AFF3: variants seen among roughly 807,000 people sequenced by gnomAD.
The protein encoded by AFF3 is AF4/FMR2 family member 3.
Under a neutral mutation model 129.7 loss-of-function variants are expected in AFF3, and 32 were observed. The ratio of observed to expected loss-of-function variants is 0.25; its 90% CI spans 0.19 to 0.33. The LOEUF is 0.33. Among genes scored for constraint, AFF3 ranks in the 10% least tolerant of loss-of-function variants. AFF3 has a pLI of 1.00. For missense variants in AFF3, 1,373 were observed against 1,592.0 expected, an observed-to-expected ratio of 0.86 and a Z score of 2.34; for synonymous variants, 644 against 635.4, an observed-to-expected ratio of 1.01 and a Z score of -0.20.
chr2:99,580,274 T>G (rs1416152104), intron 17 of AFF3, among the ~76,000 whole-genome samples: 1 of 152,204 alleles, frequency 6.6e-6, no homozygotes, highest in Non-Finnish European at 1.5e-5. Flanking sequence ...GAGTCAAATC[T>G]GGCCCTTTTT....
At chr2:99,639,334 T>C (rs961125552) in intron 13 of AFF3, among the ~76,000 whole-genome samples, 2 of 152,198 alleles carry the variant, frequency 1.3e-5, no homozygotes, top group South Asian at 2.1e-4. Context: ...TTCACGTTAA[T>C]GCAGTGGATT....
rs1398330526 is a variant in AFF3, at chr2:100,006,895, C to T, written c.610G>A (p.Ala204Thr). ...QTQERPPAMA[A>T]KHSSSGHCVQ... Reference sequence around the variant, plus strand: ...CAGTGTCCGCTGCTGCTGTGCTTGGCCGCCATGGCAGGTGGCCTCTCCTGG... The same window carrying T: ...CAGTGTCCGCTGCTGCTGTGCTTGGTCGCCATGGCAGGTGGCCTCTCCTGG... Residue 204 changes from alanine to threonine, a missense_variant, in exon 7 of 25, where the codon GCC becomes ACC. Transcript: ENST00000672756. The T allele has an allele frequency of 1.2e-6, 2 of 1,614,022 alleles. No homozygotes were observed. The highest frequency in any genetic ancestry group is 1.7e-5 in the Admixed American group (1 of 60,004).
intron 8 of AFF3, among the ~76,000 whole-genome samples, chr2:99,822,870 C>A (rs544705869): frequency 2.0e-5 from 3 of 152,174 alleles, no homozygotes; most frequent in East Asian, 1.9e-4. Context: ...GGGCTCCTGG[C>A]GACTTCAGCA....
intron 12 of AFF3, among the ~76,000 whole-genome samples, chr2:99,649,917 G>T (rs1440110041): frequency 6.6e-6 from 1 of 152,190 alleles, no homozygotes; most frequent in Non-Finnish European, 1.5e-5. Flanking sequence ...TTTGTCGGGG[G>T]GGCAAAGGAC....
At chr2:99,954,701 T>C (rs1474423974) in intron 7 of AFF3, among the ~76,000 whole-genome samples, 6 of 132,724 alleles carry the variant, frequency 4.5e-5, no homozygotes, top group East Asian at 2.2e-4. Flanking sequence ...CACTCATAGG[T>C]GGGAACTGAA....
chr2:99,627,248 G>T (rs948524752), intron 13 of AFF3, among the ~76,000 whole-genome samples: 11 of 150,112 alleles, frequency 7.3e-5, no homozygotes, highest in Admixed American at 2.7e-4. Context: ...GTTTTTTTTT[G>T]ACTTTTAAAT....
At chr2:99,554,768 T>C (rs761548806) in intron 22 of AFF3, 36 bp from the exon 23 acceptor site, 10 of 1,612,952 alleles carry the variant, frequency 6.2e-6, no homozygotes, top group African/African-American at 2.7e-5. Flanking sequence ...GTGAGTGCCA[T>C]CTGCGTGAGG....
chr2:99,849,730 C>A (rs1168107860), intron 7 of AFF3, among the ~76,000 whole-genome samples: 1 of 152,130 alleles, frequency 6.6e-6, no homozygotes, highest in Admixed American at 6.5e-5. Context: ...TTCACAAGAA[C>A]CAGATGATGT....
intron 2 of AFF3, among the ~76,000 whole-genome samples, chr2:100,126,982 A>G (rs1692219141): frequency 6.6e-6 from 1 of 152,224 alleles, no homozygotes; most frequent in Non-Finnish European, 1.5e-5. Context: ...ATTTGCTTCA[A>G]TGAGCTGTTG....
chr2:99,824,469 G>C (rs1687923792), intron 8 of AFF3, among the ~76,000 whole-genome samples: 1 of 152,026 alleles, frequency 6.6e-6, no homozygotes, highest in South Asian at 2.1e-4. Flanking sequence ...ATTGTTTGAA[G>C]TCACAATAAA....
chr2:99,863,652 A>G (rs763363770), intron 7 of AFF3, among the ~76,000 whole-genome samples: 20 of 152,218 alleles, frequency 1.3e-4, no homozygotes, highest in Non-Finnish European at 2.2e-4. Flanking sequence ...AATGGAGACT[A>G]ATTTACCCAC....
chr2:99,649,427 C>CTTGCTATGAAATACAACAAGGCGATTT (rs1211116020), intron 13 of AFF3, among the ~76,000 whole-genome samples, 199 bp downstream of exon 13: 1 of 152,172 alleles, frequency 6.6e-6, no homozygotes, highest in Non-Finnish European at 1.5e-5. Flanking sequence ...ATTCTTCATA[C>CTTGCTATGAAATACAACAAGGCGATTT]TTGCTATGAA....
chr2:100,042,981 T>C (rs1685557649), intron 4 of AFF3, among the ~76,000 whole-genome samples: 1 of 152,138 alleles, frequency 6.6e-6, no homozygotes, highest in Non-Finnish European at 1.5e-5. Flanking sequence ...GAAACTTAAA[T>C]AGTAGAAAAA....
At chr2:99,800,107 G>T (rs892448193) in intron 8 of AFF3, among the ~76,000 whole-genome samples, 2 of 152,020 alleles carry the variant, frequency 1.3e-5, no homozygotes, top group Non-Finnish European at 2.9e-5. Context: ...TTTTAACAAA[G>T]TTTGAAAGAC....
intron 4 of AFF3, among the ~76,000 whole-genome samples, chr2:100,093,013 T>A (rs1158861696): frequency 1.3e-5 from 2 of 152,278 alleles, no homozygotes; most frequent in East Asian, 3.9e-4. Context: ...CACCTAGAAA[T>A]CCAGAGGAAG....
At chr2:99,582,728 TTAGAG>T in intron 17 of AFF3, 65 bp downstream of exon 17, 1 of 1,530,852 alleles carries the variant, frequency 6.5e-7, no homozygotes, top group Non-Finnish European at 9.0e-7. Context: ...CTGTGCTAGG[TTAGAG>T]ACAGAGCTTG....
chr2:100,139,575 A>G (rs1376728322), intron 1 of AFF3, among the ~76,000 whole-genome samples: 1 of 152,204 alleles, frequency 6.6e-6, no homozygotes, highest in Non-Finnish European at 1.5e-5. Flanking sequence ...ATATCTGTGC[A>G]AGATGCTTTT....
chr2:99,565,704 T>C, intron 19 of AFF3, 81 bp from the exon 20 acceptor site: 1 of 1,473,802 alleles, frequency 6.8e-7, no homozygotes, highest in Non-Finnish European at 9.2e-7. Context: ...ATACACCTTA[T>C]TTGAGAAACC....
chr2:100,100,994 T>C (rs534271945), intron 4 of AFF3, among the ~76,000 whole-genome samples: 1 of 152,316 alleles, frequency 6.6e-6, no homozygotes, highest in East Asian at 1.9e-4. Flanking sequence ...CCTTAACCTT[T>C]TTCCAAGTTC....
Sources: allele counts gnomAD v4.1 joint callset (sites outside exome capture counted in the v4.1 genomes callset), GRCh38; gene constraint gnomAD v4.1.1; transcripts MANE v1.5; gene names NCBI Gene and HGNC (gene_info 2026-07-23, HGNC 2026-07-21).